PSD2: variants seen among roughly 807,000 people sequenced by gnomAD.
PSD2 encodes PH and SEC7 domain-containing protein 2.
A neutral mutation model predicts 69.8 loss-of-function variants in PSD2; 38 were observed. The ratio of observed to expected loss-of-function variants is 0.54; its 90% CI spans 0.42 to 0.71. PSD2 has a LOEUF of 0.71. PSD2 is among the 30% of genes least tolerant of loss of function. The pLI, the probability that PSD2 is intolerant of heterozygous loss-of-function variation, is 0.00. For synonymous variants in PSD2, 412 were observed against 423.0 expected (o/e 0.97, Z 0.32); for missense variants, 943 against 1,014.5 (o/e 0.93, Z 0.96).
At chr5:139,744,047 C>G in the PSD2 span, among the ~76,000 whole-genome samples, 2 of 152,136 alleles carry the variant, frequency 1.3e-5, no homozygotes, top group African/African-American at 4.8e-5. Context: ...CATTATCCAC[C>G]CCAAATCCTA....
chr5:139,796,321 G>A (rs1444888704), intron 1 of PSD2, among the ~76,000 whole-genome samples: 1 of 152,200 alleles, frequency 6.6e-6, no homozygotes, highest in Non-Finnish European at 1.5e-5. Flanking sequence ...CCCTCTCCCC[G>A]CTTTTGTATA....
At chr5:139,832,509 A>G (rs1760620247) in intron 7 of PSD2, among the ~76,000 whole-genome samples, 1 of 152,252 alleles carries the variant, frequency 6.6e-6, no homozygotes, top group African/African-American at 2.4e-5. Flanking sequence ...CTTTGCTAAA[A>G]TAGTGCCAAT....
At chr5:139,755,537 G>A in the PSD2 span, among the ~76,000 whole-genome samples, 1 of 151,946 alleles carries the variant, frequency 6.6e-6, no homozygotes, top group Admixed American at 6.6e-5. Context: ...GTCCCTGGGA[G>A]CCTCCTCCCT....
intron 9 of PSD2, 84 bp downstream of exon 9, chr5:139,835,850 CACTCTCCATGG>C: frequency 1.5e-6 from 2 of 1,332,672 alleles, no homozygotes; most frequent in Non-Finnish European, 2.2e-6. Flanking sequence ...ACATTCTGAC[CACTCTCCATGG>C]TGCTGATCCC....
chr5:139,803,363 G>A (rs1244056261), intron 1 of PSD2, among the ~76,000 whole-genome samples: 1 of 152,230 alleles, frequency 6.6e-6, no homozygotes, highest in Non-Finnish European at 1.5e-5. Flanking sequence ...GTGTGCTGCT[G>A]TCCTGGGCAT....
At position 139,813,965 on chromosome 5, in the gene PSD2, C is replaced by CG. The variant is rs530324872; in HGVS notation, c.822-200dup. Among the ~76,000 whole-genome samples the CG allele has an allele frequency of 8.5e-4, 130 of 152,284 alleles. 1 individual carries two copies. Among genetic ancestry groups the CG allele is most frequent in the Non-Finnish European group, 1.5e-3 (99 of 68,006 alleles). On this transcript the variant is annotated intron_variant, in intron 3 of 14. Transcript: ENST00000274710. ...AGGCCTTCTCAGCCCCGGTAGAAGT[C>CG]GGGGGAGTCAGGGAACTATGCTGTG...
intron 7 of PSD2, among the ~76,000 whole-genome samples, chr5:139,827,832 C>T (rs1760467234): frequency 6.6e-6 from 1 of 152,172 alleles, no homozygotes; most frequent in Non-Finnish European, 1.5e-5. Flanking sequence ...GGGAACCACC[C>T]CCATGATCCA....
chr5:139,761,466 G>A, the PSD2 span, among the ~76,000 whole-genome samples: 35 of 152,266 alleles, frequency 2.3e-4, no homozygotes, highest in African/African-American at 7.0e-4. Context: ...AAGGGGCTTC[G>A]CACAGTTGTG....
intron 1 of PSD2, among the ~76,000 whole-genome samples, chr5:139,804,455 A>G (rs1454334903): frequency 6.6e-6 from 1 of 152,168 alleles, no homozygotes; most frequent in African/African-American, 2.4e-5. Flanking sequence ...TGTTGCACAC[A>G]TTTGTGAGAT....
chr5:139,824,684 A>G (rs1472430788), intron 7 of PSD2, among the ~76,000 whole-genome samples: 1 of 152,172 alleles, frequency 6.6e-6, no homozygotes, highest in East Asian at 1.9e-4. Context: ...GCCTGAGACA[A>G]GTTATTTACT....
chr5:139,809,856 C>G (rs1186193462), intron 2 of PSD2, 45 bp downstream of exon 2: 3 of 1,602,034 alleles, frequency 1.9e-6, no homozygotes, highest in African/African-American at 2.7e-5. Flanking sequence ...TTTGGCTGTT[C>G]TGTTGTTGTG....
In PSD2 at chr5:139,836,862, C is replaced by CG. The variant is rs1259068504; in HGVS notation, c.1458dup (p.Thr487AspfsTer40). ...TGTCTGAGCTGGTGGATGACAAGTT[C>CG]GGGACAGGCACGAAGAAGGTGACGC... is the stretch of plus-strand genomic sequence containing the variant. On this transcript the variant is annotated frameshift_variant, in exon 10 of 15. Coordinates refer to ENST00000274710, the MANE Select transcript of PSD2 (RefSeq NM_032289.4). LOFTEE classifies it high-confidence loss of function. 6.2e-7 allele frequency: 1 copy of CG among 1,613,946 alleles called. No homozygotes were observed. Among genetic ancestry groups the CG allele is most frequent in the Non-Finnish European group, 8.5e-7 (1 of 1,179,980 alleles).
the PSD2 span, among the ~76,000 whole-genome samples, chr5:139,753,288 GT>G: frequency 4.6e-5 from 7 of 152,150 alleles, no homozygotes; most frequent in Admixed American, 3.9e-4. Flanking sequence ...GATTAGCAGG[GT>G]ATAGGAAAGC....
chr5:139,828,629 C>T (rs369319178), intron 7 of PSD2, among the ~76,000 whole-genome samples: 2 of 152,312 alleles, frequency 1.3e-5, no homozygotes, highest in African/African-American at 4.8e-5. Context: ...CAGCCCCTCC[C>T]CTCCTCCCGA....
chr5:139,835,091 C>G (rs1342101429), intron 8 of PSD2, among the ~76,000 whole-genome samples: 1 of 151,880 alleles, frequency 6.6e-6, no homozygotes, highest in Non-Finnish European at 1.5e-5. Flanking sequence ...CTCACCCATC[C>G]CCCATCACCC....
the PSD2 span, among the ~76,000 whole-genome samples, chr5:139,748,952 G>A: frequency 6.6e-6 from 1 of 152,174 alleles, no homozygotes; most frequent in Non-Finnish European, 1.5e-5. Flanking sequence ...GCCCCCTGCG[G>A]ATCCTCGGGA....
At chr5:139,748,563 C>A in the PSD2 span, among the ~76,000 whole-genome samples, 1 of 152,270 alleles carries the variant, frequency 6.6e-6, no homozygotes, top group African/African-American at 2.4e-5. Flanking sequence ...CCAAACTCCC[C>A]TCCCCCGGGC....
intron 14 of PSD2, 83 bp downstream of exon 14, chr5:139,840,253 TG>T: frequency 6.8e-7 from 1 of 1,465,484 alleles, no homozygotes; most frequent in South Asian, 1.2e-5. Context: ...ACTGGGGAGG[TG>T]AAGCCTAGTG....
chr5:139,824,394 G>GTTTTTT (rs3055525), intron 7 of PSD2, among the ~76,000 whole-genome samples: 2 of 119,410 alleles, frequency 1.7e-5, no homozygotes, highest in Non-Finnish European at 1.7e-5. Context: ...TCTCTCTCTT[G>GTTTTTT]TTTTTTTTTT....
Sources: gnomAD v4.1 joint callset for allele counts (sites outside exome capture counted in the v4.1 genomes callset) on GRCh38, gnomAD v4.1.1 for gene constraint, MANE v1.5 for transcripts, NCBI Gene and HGNC (gene_info 2026-07-23, HGNC 2026-07-21) for gene names.